SV2C: variants seen among roughly 807,000 people sequenced by gnomAD.
SV2C encodes the protein synaptic vesicle glycoprotein 2C.
In SV2C, 49 loss-of-function variants were observed where a neutral mutation model predicts 79.7. The observed-to-expected ratio is 0.61, with a 90% CI of 0.49 to 0.78. SV2C has a LOEUF of 0.78. Among genes scored for constraint, SV2C ranks in the 30% least tolerant of loss-of-function variants. The pLI, the probability that SV2C is intolerant of heterozygous loss-of-function variation, is 0.00. For synonymous variants in SV2C, 334 were observed against 333.2 expected (o/e 1.00, Z -0.03); for missense variants, 833 against 912.9 (o/e 0.91, Z 1.13).
At chr5:75,877,568 T>A in the SV2C span, among the ~76,000 whole-genome samples, 1 of 147,412 alleles carries the variant, frequency 6.8e-6, no homozygotes, top group Non-Finnish European at 1.5e-5. Context: ...TATTATCTGA[T>A]CACAGTGAAA....
At chr5:75,896,291 C>G in the SV2C span, among the ~76,000 whole-genome samples, 31 of 150,234 alleles carry the variant, frequency 2.1e-4, no homozygotes, top group Middle Eastern at 0.028. Flanking sequence ...TCAATTCCCA[C>G]CTATGAGTGA....
intron 4 of SV2C, chr5:76,242,118 GC>G (rs1745804223): frequency 7.0e-7 from 1 of 1,431,146 alleles, no homozygotes; most frequent in Non-Finnish European, 9.8e-7. Flanking sequence ...GCCAGCATCA[GC>G]TTTTCCCTTT....
the SV2C span, among the ~76,000 whole-genome samples, chr5:76,058,711 G>A: frequency 6.6e-6 from 1 of 152,092 alleles, no homozygotes; most frequent in Non-Finnish European, 1.5e-5. Flanking sequence ...ATAAGAATGT[G>A]ACTAGAAGTT....
At chr5:76,129,715 T>C (rs567621640) in intron 1 of SV2C, among the ~76,000 whole-genome samples, 6 of 152,248 alleles carry the variant, frequency 3.9e-5, no homozygotes, top group African/African-American at 1.2e-4. Context: ...ATGCAGTCAG[T>C]TGATATACAA....
the SV2C span, among the ~76,000 whole-genome samples, chr5:75,941,220 C>T: frequency 2.0e-5 from 3 of 152,188 alleles, no homozygotes; most frequent in African/African-American, 7.2e-5. Flanking sequence ...ATCATTACTT[C>T]TCGCTCACTT....
intron 1 of SV2C, among the ~76,000 whole-genome samples, chr5:76,121,765 T>A (rs9716518): frequency 0.034 from 5,105 of 150,330 alleles, 303 homozygotes; most frequent in African/African-American, 0.12. Flanking sequence ...TGTTTTGGTT[T>A]CTGTAGCCTT....
intron 12 of SV2C, among the ~76,000 whole-genome samples, chr5:76,341,956 T>C (rs138349455): frequency 6.6e-6 from 1 of 152,308 alleles, no homozygotes; most frequent in Non-Finnish European, 1.5e-5. Flanking sequence ...TAGGCATGCA[T>C]AGCAGGTACC....
chr5:75,906,414 CAGG>C, the SV2C span, among the ~76,000 whole-genome samples: 432 of 150,042 alleles, frequency 2.9e-3, 5 homozygotes, highest in African/African-American at 9.8e-3. Context: ...CAAGGATGGG[CAGG>C]AGGTTTTCAT....
the SV2C span, among the ~76,000 whole-genome samples, chr5:75,945,469 A>C: frequency 6.6e-5 from 10 of 151,388 alleles, no homozygotes; most frequent in African/African-American, 2.4e-4. Flanking sequence ...ATGCCACCAC[A>C]CCAAGCTAAT....
chr5:76,288,083 C>CAAA (rs36124813), intron 6 of SV2C, among the ~76,000 whole-genome samples: 4 of 82,578 alleles, frequency 4.8e-5, no homozygotes, highest in Admixed American at 1.3e-4. Context: ...GACTCCATCT[C>CAAA]AAAAAAAAAA....
the SV2C span, among the ~76,000 whole-genome samples, chr5:75,883,851 A>AAC: frequency 6.8e-6 from 1 of 146,418 alleles, no homozygotes; most frequent in African/African-American, 2.8e-5. Context: ...ATTTAAAAAA[A>AAC]AAACAAAAAA....
chr5:75,949,077 T>G, the SV2C span, among the ~76,000 whole-genome samples: 1 of 151,766 alleles, frequency 6.6e-6, no homozygotes, highest in African/African-American at 2.4e-5. Context: ...CTCCTGAGAA[T>G]CGATCCTGTA....
At chr5:75,849,337 T>G in the SV2C span, among the ~76,000 whole-genome samples, 3 of 152,162 alleles carry the variant, frequency 2.0e-5, no homozygotes, top group African/African-American at 7.2e-5. Flanking sequence ...CAGAGTGAGA[T>G]AAACAGAACT....
At chr5:75,921,345 G>C in the SV2C span, 1 of 1,043,652 alleles carries the variant, frequency 9.6e-7, no homozygotes, top group Non-Finnish European at 1.5e-6. Flanking sequence ...TCCACATGCT[G>C]CCTGCTGCTG....
intron 1 of SV2C, among the ~76,000 whole-genome samples, chr5:76,084,695 C>T (rs190405288): frequency 0.14 from 237 of 1,744 alleles, 6 homozygotes; most frequent in East Asian, 0.45. Flanking sequence ...GAGGGGCGGG[C>T]GGGGGTGGCG....
rs1223230538 is a variant in SV2C at position 76,132,345 on chromosome 5, T to C, written c.580+15T>C. The C allele has an allele frequency of 1.9e-6, 3 of 1,590,192 alleles. No individual in the cohort carries two copies. The highest frequency in any genetic ancestry group is 2.6e-6 in the Non-Finnish European group (3 of 1,166,992). On this transcript the variant is annotated intron_variant, in intron 2 of 12. Transcript: ENST00000502798. Reference sequence around the variant, plus strand: ...TGGATGGCTAGGTGAGTGTGTGGTGTCAGTGAGGCCAACTCTGAAACTGGC... The same window carrying C: ...TGGATGGCTAGGTGAGTGTGTGGTGCCAGTGAGGCCAACTCTGAAACTGGC...
the SV2C span, among the ~76,000 whole-genome samples, chr5:75,856,472 G>A: frequency 6.6e-6 from 1 of 152,070 alleles, no homozygotes; most frequent in Non-Finnish European, 1.5e-5. Context: ...CTGTCTTTTG[G>A]ATATAAGCCA....
the SV2C span, among the ~76,000 whole-genome samples, chr5:75,983,263 G>C: frequency 3.9e-5 from 6 of 152,122 alleles, no homozygotes; most frequent in African/African-American, 1.2e-4. Context: ...ACTAATCTGC[G>C]TGTCACTCGG....
intron 4 of SV2C, among the ~76,000 whole-genome samples, chr5:76,274,713 G>A (rs1260471316): frequency 1.4e-5 from 2 of 141,662 alleles, no homozygotes; most frequent in Admixed American, 7.4e-5. Flanking sequence ...TACAAATTGA[G>A]AAGGAGATGA....
Sources: gnomAD v4.1 joint callset for allele counts (sites outside exome capture counted in the v4.1 genomes callset) on GRCh38, gnomAD v4.1.1 for gene constraint, MANE v1.5 for transcripts, NCBI Gene and HGNC (gene_info 2026-07-23, HGNC 2026-07-21) for gene names.